LONRF2: variants seen among roughly 807,000 people sequenced by gnomAD.
LONRF2 encodes LON peptidase N-terminal domain and RING finger protein 2.
LONRF2 carries 35 observed loss-of-function variants against 66.6 expected under a neutral mutation model. The observed-to-expected ratio is 0.53, with a 90% CI of 0.40 to 0.70. The LOEUF (loss-of-function observed/expected upper bound fraction) is 0.70, where lower values mean the gene tolerates loss of function less well. Ranked by LOEUF, LONRF2 falls within the 30% of genes least tolerant of loss-of-function variation. The probability of loss-of-function intolerance (pLI) is 0.00; values close to 1 mark genes in which losing one functional copy is unlikely to be tolerated. For synonymous variants in LONRF2, 417 were observed against 418.1 expected, an observed-to-expected ratio of 1.00 and a Z score of 0.03; for missense variants, 902 against 1,002.1, an observed-to-expected ratio of 0.90 and a Z score of 1.35.
At chr2:100,297,987 GAA>G (rs59444581) in intron 7 of LONRF2, among the ~76,000 whole-genome samples, 7 of 151,306 alleles carry the variant, frequency 4.6e-5, no homozygotes, top group African/African-American at 9.7e-5. Context: ...TTTGTAAAAA[GAA>G]AAAAAAACTT....
intron 7 of LONRF2, among the ~76,000 whole-genome samples, chr2:100,295,846 G>A (rs1675056191): frequency 6.6e-6 from 1 of 152,180 alleles, no homozygotes; most frequent in Non-Finnish European, 1.5e-5. Flanking sequence ...AGGAAGTGAA[G>A]TAGGGCATGT....
chr2:100,310,566 C>T (rs966524081), intron 1 of LONRF2, among the ~76,000 whole-genome samples: 5 of 152,116 alleles, frequency 3.3e-5, no homozygotes, highest in African/African-American at 4.8e-5. Context: ...TGAAAAGTAA[C>T]TACTTATAAA....
intron 1 of LONRF2, among the ~76,000 whole-genome samples, chr2:100,319,304 G>A (rs1051988372): frequency 6.6e-6 from 1 of 151,920 alleles, no homozygotes; most frequent in Non-Finnish European, 1.5e-5. Flanking sequence ...TTCTATATAA[G>A]TTCTCATATG....
intron 1 of LONRF2, among the ~76,000 whole-genome samples, chr2:100,313,418 C>T (rs1360951978): frequency 6.6e-6 from 1 of 152,108 alleles, no homozygotes. Flanking sequence ...TTGCTTGAAC[C>T]TGGGAGGTGG....
At position 100,275,523 on chromosome 2, in the gene LONRF2, G is replaced by T. The variant is rs1372937872; in HGVS notation, c.*8775C>A. The T allele has an allele frequency of 6.6e-6, 1 of 152,246 alleles. No homozygotes were observed. The highest frequency in any genetic ancestry group is 6.5e-5 in the Admixed American group (1 of 15,292). The allele number at this position is 152,246 out of a possible 1,614,324, so 9.4% of individuals were successfully genotyped here. ...CCTCCGGCCATGCGGCCGGTGAGAG[G>T]CACCCTCCTCACAGAAATGACAGCC... On this transcript the variant is annotated 3_prime_UTR_variant, in exon 12 of 12. Coordinates refer to ENST00000393437, the MANE Select transcript of LONRF2 (RefSeq NM_198461.4).
rs1301874953 is a variant in LONRF2, at chr2:100,276,884, T to G, written c.*7414A>C. The G allele has an allele frequency of 6.6e-6, 1 of 152,202 alleles. No individual in the cohort carries two copies. Among genetic ancestry groups the G allele is most frequent in the Non-Finnish European group, 1.5e-5 (1 of 68,054 alleles). The allele number at this position is 152,202 out of a possible 1,614,324, so 9.4% of individuals were successfully genotyped here. On this transcript the variant is annotated 3_prime_UTR_variant, in exon 12 of 12. Transcript: ENST00000393437. The stretch of plus-strand genomic sequence containing the variant: ...CCTTTGCAGGCCACCCACAGGGAGC[T>G]CCACGGCTTTGCCATGGCACACAAT...
At chr2:100,290,160 G>T in intron 10 of LONRF2, 98 bp downstream of exon 10, 1 of 1,138,158 alleles carries the variant, frequency 8.8e-7, no homozygotes, top group Non-Finnish European at 1.2e-6. Context: ...AAGGACTTAA[G>T]TAATATTGTC....
intron 7 of LONRF2, among the ~76,000 whole-genome samples, chr2:100,296,739 T>C (rs1439463160): frequency 6.6e-6 from 1 of 152,240 alleles, no homozygotes; most frequent in Non-Finnish European, 1.5e-5. Flanking sequence ...ATTGTCATTA[T>C]TAATGACATA....
In LONRF2 at chr2:100,290,276, T is replaced by C. The variant is rs763123185; in HGVS notation, c.1902A>G (p.Glu634=). The C allele has an allele frequency of 1.2e-6, 2 of 1,613,014 alleles. No individual in the cohort carries two copies. Among genetic ancestry groups the C allele is most frequent in the South Asian group, 1.1e-5 (1 of 90,766 alleles). Residue 634 remains glutamate, a synonymous_variant, in exon 10 of 12, where the codon GAA becomes GAG. Coordinates refer to ENST00000393437, the MANE Select transcript of LONRF2 (RefSeq NM_198461.4). The part of the protein sequence containing the change: ...HRDGYNTADI[E]YLEDEKVEGP... The stretch of plus-strand genomic sequence containing the variant: ...GCCTTACCTTTTCATCTTCAAGATA[T>C]TCAATGTCCGCTGTGTTATAGCCAT...
chr2:100,311,372 G>GA (rs1181013236), intron 1 of LONRF2, among the ~76,000 whole-genome samples: 8 of 149,748 alleles, frequency 5.3e-5, no homozygotes, highest in Admixed American at 3.3e-4. Flanking sequence ...AAAAATTTTG[G>GA]AAAAAAAAAA....
intron 10 of LONRF2, among the ~76,000 whole-genome samples, chr2:100,287,722 T>C (rs889982381): frequency 1.2e-4 from 18 of 152,074 alleles, no homozygotes; most frequent in African/African-American, 4.3e-4. Context: ...GTCATTTAAA[T>C]TACGCCTCAG....
rs1243924703 is a variant in LONRF2, at chr2:100,275,868, G to GA, written c.*8429dup. 1 of 152,096 alleles carries GA rather than the reference G, an allele frequency of 6.6e-6. No individual in the cohort carries two copies. Among genetic ancestry groups the GA allele is most frequent in the African/African-American group, 2.4e-5 (1 of 41,398 alleles). The allele number at this position is 152,096 out of a possible 1,614,324, so 9.4% of individuals were successfully genotyped here. Reference sequence around the variant, plus strand: ...AGCGAGAAAAAGCCTAGGTACAAGGGAAAAAACATTAAAGGTAACTAAATA... The same window carrying GA: ...AGCGAGAAAAAGCCTAGGTACAAGGGAAAAAAACATTAAAGGTAACTAAATA... On this transcript the variant is annotated 3_prime_UTR_variant, in exon 12 of 12. Transcript: ENST00000393437.
rs1026620768 is a variant in LONRF2, at chr2:100,272,899, T to G, written c.*11399A>C. On this transcript the variant is annotated 3_prime_UTR_variant, in exon 12 of 12. Transcript: ENST00000393437. Reference sequence around the variant, plus strand: ...CCTTTTTTTTCCTACTAAAATTAAATTGGAATCGTTCCACATCTGCACTGT... The same window carrying G: ...CCTTTTTTTTCCTACTAAAATTAAAGTGGAATCGTTCCACATCTGCACTGT... Among the ~76,000 whole-genome samples the G allele has an allele frequency of 6.6e-6, 1 of 152,174 alleles. No homozygotes were observed. Among genetic ancestry groups the G allele is most frequent in the East Asian group, 1.9e-4 (1 of 5,190 alleles).
At chr2:100,304,049 A>ATC (rs1007159942) in intron 2 of LONRF2, among the ~76,000 whole-genome samples, 2 of 151,818 alleles carry the variant, frequency 1.3e-5, no homozygotes, top group African/African-American at 4.8e-5. Context: ...CTTCCTATAG[A>ATC]TCTATCTTCA....
chr2:100,310,424 T>G (rs764269471), intron 1 of LONRF2, among the ~76,000 whole-genome samples: 3 of 152,244 alleles, frequency 2.0e-5, no homozygotes, highest in Non-Finnish European at 4.4e-5. Flanking sequence ...CTCCAAAACC[T>G]TGACCTTGAT....
In LONRF2 at chr2:100,272,031, G is replaced by T. The variant is rs1291044606; in HGVS notation, c.*12267C>A. Among the ~76,000 whole-genome samples the T allele has an allele frequency of 6.6e-6, 1 of 152,186 alleles. No homozygotes were observed. Among genetic ancestry groups the T allele is most frequent in the African/African-American group, 2.4e-5 (1 of 41,446 alleles). ...TCACATATAAAAGACTTCATCAGAG[G>T]TTTTCCCAGATTTGACAACCATCCT... is the stretch of plus-strand genomic sequence containing the variant. On this transcript the variant is annotated 3_prime_UTR_variant, in exon 12 of 12. Transcript: ENST00000393437.
chr2:100,287,048 A>C lies in LONRF2; in HGVS notation c.1936T>G (p.Tyr646Asp). ...TCGTGGAGAGCGGCAAGTTCTTCATACTCTGGACCCTCCACCTGATCAGGG... is the reference window on the plus strand; with the variant it reads ...TCGTGGAGAGCGGCAAGTTCTTCATCCTCTGGACCCTCCACCTGATCAGGG... Reference protein sequence around the residue: ...LEDEKVEGPEYEELAALHDSV... With the variant: ...LEDEKVEGPEDEELAALHDSV... Residue 646 changes from tyrosine (Y) to aspartate (D), a missense_variant, in exon 11 of 12, where the codon TAT becomes GAT. Tyr to Asp is a radical substitution (Grantham distance 160, BLOSUM62 -3). Transcript: ENST00000393437. The C allele has an allele frequency of 6.2e-7, 1 of 1,613,730 alleles. No individual in the cohort carries two copies. The highest frequency in any genetic ancestry group is 8.5e-7 in the Non-Finnish European group (1 of 1,179,886).
chr2:100,307,648 A>T (rs536625943), intron 2 of LONRF2, among the ~76,000 whole-genome samples: 1 of 152,202 alleles, frequency 6.6e-6, no homozygotes, highest in Non-Finnish European at 1.5e-5. Context: ...CAGGAGAAAT[A>T]AGTTCAAGAG....
rs544583102 is a variant in LONRF2 at position 100,275,746 on chromosome 2, C to A, written c.*8552G>T. ...GCTACGTGAGCCTGTAACCACCCCC[C>A]ACCAGTGTGCCTGGGCACTCTGAAC... On this transcript the variant is annotated 3_prime_UTR_variant, in exon 12 of 12. Coordinates refer to ENST00000393437, the MANE Select transcript of LONRF2 (RefSeq NM_198461.4). 6 of 152,188 alleles carry A rather than the reference C, an allele frequency of 3.9e-5. No homozygotes were observed. The highest frequency in any genetic ancestry group is 1.9e-4 in the East Asian group (1 of 5,184). The allele number at this position is 152,188 out of a possible 1,614,324, so 9.4% of individuals were successfully genotyped here. A position where few individuals can be genotyped will look rare whatever the true frequency, so the allele number is the denominator to read the frequency against.
Sources: allele counts gnomAD v4.1 joint callset (sites outside exome capture counted in the v4.1 genomes callset), GRCh38; gene constraint gnomAD v4.1.1; transcripts MANE v1.5; gene names NCBI Gene and HGNC (gene_info 2026-07-23, HGNC 2026-07-21).